MBOAT2: variants seen among roughly 807,000 people sequenced by gnomAD.
MBOAT2 encodes the protein membrane bound glycerophospholipid O-acyltransferase 2, also known as membrane-bound glycerophospholipid O-acyltransferase 2.
MBOAT2 carries 28 observed loss-of-function variants against 63.4 expected under a neutral mutation model. That is an observed-to-expected ratio of 0.44 (90% CI 0.33 to 0.61). The LOEUF (loss-of-function observed/expected upper bound fraction) is 0.61, where lower values mean the gene tolerates loss of function less well. Among genes scored for constraint, MBOAT2 ranks in the 20% least tolerant of loss-of-function variants. The pLI, the probability that MBOAT2 is intolerant of heterozygous loss-of-function variation, is 0.03. For missense variants in MBOAT2, 470 were observed against 605.8 expected, an observed-to-expected ratio of 0.78 and a Z score of 2.35; for synonymous variants, 211 against 215.6, an observed-to-expected ratio of 0.98 and a Z score of 0.19.
intron 3 of MBOAT2, among the ~76,000 whole-genome samples, chr2:8,942,838 C>T (rs1459918427): frequency 1.3e-5 from 2 of 152,156 alleles, no homozygotes; most frequent in Non-Finnish European, 2.9e-5. Context: ...CAGGCAATTT[C>T]GCTTCTCCAA....
rs1434023798 is a variant in MBOAT2 at position 8,861,790 on chromosome 2, T to C, written c.1185+800A>G. Among the ~76,000 whole-genome samples the C allele has an allele frequency of 2.0e-5, 3 of 152,176 alleles. 1 individual carries two copies. Among genetic ancestry groups the C allele is most frequent in the Admixed American group, 2.0e-4 (3 of 15,272 alleles). On this transcript the variant is annotated intron_variant, in intron 11 of 12. Coordinates refer to ENST00000305997, the MANE Select transcript of MBOAT2 (RefSeq NM_138799.4). ...TTTATAACACCCACAGAATCTGTCT[T>C]ATGCACACACACACATGCATAAGGT...
At chr2:8,885,493 A>G (rs1179768490) in intron 5 of MBOAT2, among the ~76,000 whole-genome samples, 2 of 152,200 alleles carry the variant, frequency 1.3e-5, no homozygotes, top group African/African-American at 4.8e-5. Context: ...TTCATATACG[A>G]GATATTCAAC....
At chr2:8,925,813 A>G (rs1029392726) in intron 3 of MBOAT2, among the ~76,000 whole-genome samples, 6 of 152,236 alleles carry the variant, frequency 3.9e-5, no homozygotes, top group African/African-American at 1.4e-4. Flanking sequence ...ACATTTTAAC[A>G]TCTCTGAAAT....
At chr2:8,964,530 C>G (rs927420728) in intron 1 of MBOAT2, among the ~76,000 whole-genome samples, 1 of 150,126 alleles carries the variant, frequency 6.7e-6, no homozygotes, top group Non-Finnish European at 1.5e-5. Flanking sequence ...TAAGCTTCTG[C>G]AATTTTTTTC....
intron 1 of MBOAT2, among the ~76,000 whole-genome samples, chr2:8,984,061 A>G (rs1030886202): frequency 1.3e-5 from 2 of 152,190 alleles, no homozygotes; most frequent in Non-Finnish European, 2.9e-5. Flanking sequence ...ACAAGGAAAG[A>G]AATTCTGACT....
chr2:8,936,712 C>T (rs865807365), intron 3 of MBOAT2, among the ~76,000 whole-genome samples: 46 of 143,432 alleles, frequency 3.2e-4, no homozygotes, highest in African/African-American at 1.0e-3. Context: ...AACCAGAACC[C>T]GGGAGACAGA....
chr2:8,934,351 T>C (rs1042913275), intron 3 of MBOAT2, among the ~76,000 whole-genome samples: 2 of 152,216 alleles, frequency 1.3e-5, no homozygotes, highest in African/African-American at 4.8e-5. Context: ...TCATAATGGT[T>C]ACTGCTTAGA....
At chr2:8,959,738 T>C (rs936708319) in intron 1 of MBOAT2, among the ~76,000 whole-genome samples, 1 of 152,148 alleles carries the variant, frequency 6.6e-6, no homozygotes, top group Non-Finnish European at 1.5e-5. Context: ...GCTGGGATAA[T>C]AGGCATGAAC....
At chr2:8,936,035 G>C (rs1667637767) in intron 3 of MBOAT2, among the ~76,000 whole-genome samples, 1 of 151,772 alleles carries the variant, frequency 6.6e-6, no homozygotes. Flanking sequence ...TACTGAATAC[G>C]GTCAGTGGCT....
intron 1 of MBOAT2, among the ~76,000 whole-genome samples, chr2:8,975,120 C>A (rs1414632242): frequency 6.6e-6 from 1 of 152,096 alleles, no homozygotes; most frequent in Non-Finnish European, 1.5e-5. Flanking sequence ...TAACACTCTG[C>A]ACAAAACTCA....
At chr2:8,882,606 C>T (rs1663223230) in intron 5 of MBOAT2, 41 bp from the exon 6 acceptor site, 1 of 1,596,478 alleles carries the variant, frequency 6.3e-7, no homozygotes, top group African/African-American at 1.3e-5. Flanking sequence ...AAGATTTCTC[C>T]CCAAAATGGC....
intron 5 of MBOAT2, among the ~76,000 whole-genome samples, chr2:8,884,835 T>C (rs1328427466): frequency 6.6e-6 from 1 of 152,210 alleles, no homozygotes; most frequent in African/African-American, 2.4e-5. Context: ...AAACCCAGCC[T>C]TCCTTCTCAG....
chr2:8,935,741 C>T (rs763083405), intron 3 of MBOAT2, among the ~76,000 whole-genome samples: 3 of 152,198 alleles, frequency 2.0e-5, no homozygotes, highest in Non-Finnish European at 4.4e-5. Context: ...AGTAAAGTGA[C>T]TTAGCCAAGG....
intron 1 of MBOAT2, among the ~76,000 whole-genome samples, chr2:8,971,891 T>C (rs1461694282): frequency 6.6e-6 from 1 of 152,144 alleles, no homozygotes; most frequent in Non-Finnish European, 1.5e-5. Flanking sequence ...TGGAAGAACA[T>C]TCCATGCTCA....
intron 5 of MBOAT2, among the ~76,000 whole-genome samples, chr2:8,887,584 G>A (rs1378593742): frequency 6.6e-6 from 1 of 152,168 alleles, no homozygotes; most frequent in East Asian, 1.9e-4. Context: ...TCCACTCACT[G>A]AAGACAGAAA....
At chr2:8,954,846 T>C (rs1388058049) in intron 2 of MBOAT2, among the ~76,000 whole-genome samples, 3 of 152,148 alleles carry the variant, frequency 2.0e-5, no homozygotes, top group Non-Finnish European at 4.4e-5. Context: ...GTGCTCCAAA[T>C]GTCTGGATTT....
chr2:8,876,268 C>T (rs150410452), intron 7 of MBOAT2, among the ~76,000 whole-genome samples: 2 of 152,310 alleles, frequency 1.3e-5, no homozygotes, highest in Non-Finnish European at 1.5e-5. Flanking sequence ...GACTTGAAAC[C>T]AGATTGCACT....
chr2:8,971,139 C>A (rs1447673171), intron 1 of MBOAT2, among the ~76,000 whole-genome samples: 1 of 152,220 alleles, frequency 6.6e-6, no homozygotes, highest in African/African-American at 2.4e-5. Context: ...CAAACCGAAT[C>A]CAGCAGCACA....
At chr2:8,960,094 T>C (rs1015790112) in intron 1 of MBOAT2, among the ~76,000 whole-genome samples, 6 of 152,176 alleles carry the variant, frequency 3.9e-5, no homozygotes, top group East Asian at 1.9e-4. Flanking sequence ...AAAAGCAAAA[T>C]GTCTTTCCAA....
Sources: gnomAD v4.1 joint callset for allele counts (sites outside exome capture counted in the v4.1 genomes callset) on GRCh38, gnomAD v4.1.1 for gene constraint, MANE v1.5 for transcripts, NCBI Gene and HGNC (gene_info 2026-07-23, HGNC 2026-07-21) for gene names.